Variants in LRBA observed in about 807,000 individuals in gnomAD.
The protein encoded by LRBA is LPS responsive beige-like anchor protein, also known as lipopolysaccharide-responsive and beige-like anchor protein.
A neutral mutation model predicts 330.0 loss-of-function variants in LRBA; 176 were observed. That is an observed-to-expected ratio of 0.53 (90% CI 0.47 to 0.60). LRBA has a LOEUF of 0.60. Among genes scored for constraint, LRBA ranks in the 20% least tolerant of loss-of-function variants. LRBA has a pLI of 0.00. For missense variants in LRBA, 3,259 were observed against 3,444.8 expected (o/e 0.95, Z 1.35); for synonymous variants, 1,230 against 1,193.0 (o/e 1.03, Z -0.64).
In LRBA at chr4:151,014,621, C is replaced by T; in HGVS notation, c.22G>A (p.Val8Ile). 1.2e-6 allele frequency: 2 copies of T among 1,605,184 alleles called. No individual in the cohort carries two copies. The highest frequency in any genetic ancestry group is 1.7e-6 in the Non-Finnish European group (2 of 1,175,398). ...TCACCTGTTGGTGGCGGGGAAGGGACACGATTGTCTTCGCTAGCCATTGCT... is the reference window on the plus strand; with the variant it reads ...TCACCTGTTGGTGGCGGGGAAGGGATACGATTGTCTTCGCTAGCCATTGCT... The part of the protein sequence containing the change: MASEDNR[V>I]PSPPPTGDDG... Residue 8 changes from valine to isoleucine, a missense_variant, in exon 2 of 57, where the codon GTC (valine) becomes ATC (isoleucine). Physicochemically the swap from Val to Ile is conservative, Grantham distance 29. Transcript: ENST00000651943.
chr4:150,452,742 A>T (rs1165760305), intron 44 of LRBA, among the ~76,000 whole-genome samples: 4 of 152,162 alleles, frequency 2.6e-5, no homozygotes, highest in African/African-American at 4.8e-5. Flanking sequence ...ACAAAAGACA[A>T]GGCACTCTCA....
Position 150,583,145 on chromosome 4 carries a change from C to A in LRBA, c.6330+4903G>T, listed in dbSNP as rs769187258. On this transcript the variant is annotated intron_variant, in intron 40 of 56. Coordinates refer to ENST00000651943, the MANE Select transcript of LRBA (RefSeq NM_001364905.1). This position sits in a 1 kb window ranked among gnomAD's most constrained non-coding sequence, Gnocchi z 9.8. Reference sequence around the variant, plus strand: ...ATCCGAGAGGTCTGTAAGGTGGTCTCGGACGTGCTCAAGGAAGTGGAGGTG... The same window carrying A: ...ATCCGAGAGGTCTGTAAGGTGGTCTAGGACGTGCTCAAGGAAGTGGAGGTG... The A allele has an allele frequency of 6.2e-7, 1 of 1,614,184 alleles. No individual in the cohort carries two copies. Among genetic ancestry groups the A allele is most frequent in the Non-Finnish European group, 8.5e-7 (1 of 1,180,012 alleles).
At chr4:150,509,121 T>C (rs1761517832) in intron 40 of LRBA, among the ~76,000 whole-genome samples, 1 of 152,202 alleles carries the variant, frequency 6.6e-6, no homozygotes, top group African/African-American at 2.4e-5. Context: ...GATATAAGTA[T>C]GTGAGTTAAT....
chr4:150,308,871 T>C (rs985646309), intron 52 of LRBA, among the ~76,000 whole-genome samples: 2 of 152,174 alleles, frequency 1.3e-5, no homozygotes, highest in African/African-American at 4.8e-5. Context: ...CATTAAAAAG[T>C]TTATAAAGTA....
chr4:150,612,509 G>A (rs923471559), intron 37 of LRBA, among the ~76,000 whole-genome samples: 2 of 152,170 alleles, frequency 1.3e-5, no homozygotes, highest in Non-Finnish European at 2.9e-5. Context: ...TCTCTGAATA[G>A]TTGCTGTCAT....
chr4:150,798,018 C>A, intron 34 of LRBA, 63 bp downstream of exon 34: 1 of 1,060,136 alleles, frequency 9.4e-7, no homozygotes, highest in South Asian at 1.5e-5. Context: ...ATATAAAATC[C>A]CCCATGAAAA....
At chr4:150,489,702 ATATAT>A (rs1758654005) in intron 41 of LRBA, among the ~76,000 whole-genome samples, 1 of 125,804 alleles carries the variant, frequency 7.9e-6, no homozygotes, top group African/African-American at 3.0e-5. Context: ...ATTATATATT[ATATAT>A]TATATATAAG....
intron 2 of LRBA, among the ~76,000 whole-genome samples, chr4:150,997,855 C>T (rs921103126): frequency 6.6e-6 from 1 of 151,898 alleles, no homozygotes; most frequent in Non-Finnish European, 1.5e-5. Context: ...AGGCGCACAC[C>T]ACCACGCCCA....
At position 150,435,599 on chromosome 4, in the gene LRBA, G is replaced by A; in HGVS notation, c.7031C>T (p.Ser2344Phe). 6.2e-7 allele frequency: 1 copy of A among 1,609,862 alleles called. No individual in the cohort carries two copies. The highest frequency in any genetic ancestry group is 2.2e-5 in the East Asian group (1 of 44,774). Reference sequence around the variant, plus strand: ...AAAACATTTCTGTACCTTAATATCAGAGGTATCACGCTGACTGTTTCGCCA... The same window carrying A: ...AAAACATTTCTGTACCTTAATATCAAAGGTATCACGCTGACTGTTTCGCCA... ...RAWRNSQRDTSDIKELIPEFY... is the reference protein window; with the variant it reads ...RAWRNSQRDTFDIKELIPEFY... Residue 2344 changes from serine (S) to phenylalanine (F), a missense_variant, in exon 46 of 57, where the codon TCT (serine) becomes TTT (phenylalanine). Ser to Phe is a radical substitution (Grantham distance 155). Transcript: ENST00000651943.
At position 150,309,168 on chromosome 4, in the gene LRBA, T is replaced by G. The variant is rs1730741639; in HGVS notation, c.7849+1061A>C. ...TGGTTTTTATCTCTTATACCATACT[T>G]TTACTGTAACTTTTCTATTTTTAGA... is the stretch of plus-strand genomic sequence containing the variant. On this transcript the variant is annotated intron_variant, in intron 52 of 56. Transcript: ENST00000651943. 2.0e-5 allele frequency among the ~76,000 whole-genome samples: 3 copies of G among 152,312 alleles called. No individual in the cohort carries two copies. In the South Asian group the frequency reaches 6.2e-4, roughly 32 times the overall value.
intron 49 of LRBA, among the ~76,000 whole-genome samples, chr4:150,323,215 C>T (rs1207071540): frequency 6.6e-6 from 1 of 151,828 alleles, no homozygotes; most frequent in East Asian, 1.9e-4. Context: ...GGAAAATATC[C>T]CATAAGCTAA....
chr4:150,735,476 T>C, intron 35 of LRBA, 110 bp from the exon 36 acceptor site: 3 of 733,968 alleles, frequency 4.1e-6, no homozygotes, highest in Non-Finnish European at 7.2e-6. Context: ...TCTTTTGACA[T>C]CATACACAAT....
At chr4:150,715,544 A>G (rs1728073761) in intron 36 of LRBA, among the ~76,000 whole-genome samples, 1 of 152,252 alleles carries the variant, frequency 6.6e-6, no homozygotes, top group African/African-American at 2.4e-5. Flanking sequence ...CAGACATTTA[A>G]TATTTCACAT....
chr4:150,401,181 A>G (rs1287609563), intron 47 of LRBA, among the ~76,000 whole-genome samples: 2 of 152,226 alleles, frequency 1.3e-5, no homozygotes, highest in East Asian at 3.8e-4. Flanking sequence ...GAGGCCTGGA[A>G]CAGATCCTTC....
At chr4:150,378,002 G>A (rs1179448177) in intron 47 of LRBA, among the ~76,000 whole-genome samples, 1 of 150,688 alleles carries the variant, frequency 6.6e-6, no homozygotes, top group Non-Finnish European at 1.5e-5. Context: ...TGTCCTTGTT[G>A]GTACCCATAC....
intron 46 of LRBA, among the ~76,000 whole-genome samples, chr4:150,426,311 T>G (rs544597918): frequency 6.6e-6 from 1 of 152,058 alleles, no homozygotes; most frequent in East Asian, 1.9e-4. Flanking sequence ...CCCATAAATA[T>G]TATGTGGTTT....
chr4:150,424,186 GAAC>G (rs897422490), intron 46 of LRBA, among the ~76,000 whole-genome samples: 3 of 152,128 alleles, frequency 2.0e-5, no homozygotes, highest in African/African-American at 7.2e-5. Flanking sequence ...ATAGTATGAA[GAAC>G]AACATCAAAT....
intron 40 of LRBA, among the ~76,000 whole-genome samples, chr4:150,543,976 C>T (rs1328136668): frequency 6.6e-6 from 1 of 152,040 alleles, no homozygotes; most frequent in Non-Finnish European, 1.5e-5. Context: ...TTTAAAGAAA[C>T]AAATCTGATT....
chr4:150,546,917 C>A (rs932647709), intron 40 of LRBA, among the ~76,000 whole-genome samples: 1 of 152,152 alleles, frequency 6.6e-6, no homozygotes, highest in African/African-American at 2.4e-5. Flanking sequence ...TTCCAACCTT[C>A]TGTTGGGAAA....
Sources: allele counts gnomAD v4.1 joint callset (sites outside exome capture counted in the v4.1 genomes callset), GRCh38; gene constraint gnomAD v4.1.1; non-coding constraint Gnocchi (gnomAD v3.1); transcripts MANE v1.5; gene names NCBI Gene and HGNC (gene_info 2026-07-23, HGNC 2026-07-21).